The following DGKB variants were observed in gnomAD, a reference collection of about 807,000 sequenced individuals.
DGKB encodes diacylglycerol kinase beta, also known as 90 kDa diacylglycerol kinase.
In DGKB, 67 loss-of-function variants were observed where a neutral mutation model predicts 114.3. The ratio of observed to expected loss-of-function variants is 0.59; its 90% confidence interval spans 0.48 to 0.72. DGKB has a LOEUF of 0.72. Ranked by LOEUF, DGKB falls within the 30% of genes least tolerant of loss-of-function variation. The probability of loss-of-function intolerance (pLI) is 0.00; values close to 1 mark genes in which losing one functional copy is unlikely to be tolerated. For synonymous variants in DGKB, 398 were observed against 323.1 expected (o/e 1.23, Z -2.49); for missense variants, 907 against 975.2 (o/e 0.93, Z 0.93).
chr7:14,642,951 T>C (rs1812101031), intron 13 of DGKB, among the ~76,000 whole-genome samples: 1 of 152,218 alleles, frequency 6.6e-6, no homozygotes, highest in East Asian at 1.9e-4. Flanking sequence ...ATAATGCTCA[T>C]GTATGGCTAT....
At chr7:14,344,836 G>C (rs1380472883) in intron 22 of DGKB, among the ~76,000 whole-genome samples, 1 of 151,314 alleles carries the variant, frequency 6.6e-6, no homozygotes, top group Non-Finnish European at 1.5e-5. Flanking sequence ...CTTGGGAACT[G>C]AGAAAACCTA....
intron 1 of DGKB, among the ~76,000 whole-genome samples, chr7:14,957,265 T>C (rs911901047): frequency 7.9e-5 from 12 of 151,998 alleles, no homozygotes; most frequent in Admixed American, 1.3e-4. Flanking sequence ...ACATTACTTA[T>C]GGAGTTTTCT....
intron 2 of DGKB, among the ~76,000 whole-genome samples, chr7:14,759,464 T>C (rs960275553): frequency 6.6e-6 from 1 of 152,212 alleles, no homozygotes; most frequent in East Asian, 1.9e-4. Flanking sequence ...TCTGTGTCTA[T>C]GGATTTGCCT....
At chr7:14,923,756 C>T (rs962590052) in intron 1 of DGKB, among the ~76,000 whole-genome samples, 39 of 151,956 alleles carry the variant, frequency 2.6e-4, no homozygotes, top group Non-Finnish European at 4.4e-4. Flanking sequence ...GCACTTTTGG[C>T]GGCCAAGGCG....
At chr7:14,852,302 G>C (rs187901002) in intron 1 of DGKB, among the ~76,000 whole-genome samples, 2 of 151,646 alleles carry the variant, frequency 1.3e-5, no homozygotes, top group East Asian at 3.9e-4. Context: ...GTGTGTTTGT[G>C]TGTGTGTGTT....
chr7:14,670,173 T>A (rs1420056061), intron 13 of DGKB, among the ~76,000 whole-genome samples: 1 of 152,040 alleles, frequency 6.6e-6, no homozygotes, highest in African/African-American at 2.4e-5. Flanking sequence ...CAAATTAACA[T>A]AACCATCTCC....
intron 23 of DGKB, among the ~76,000 whole-genome samples, chr7:14,203,386 T>C (rs1023046281): frequency 1.3e-5 from 2 of 152,004 alleles, no homozygotes; most frequent in African/African-American, 4.8e-5. Flanking sequence ...CTTCTGATTC[T>C]TATACTCTTC....
At chr7:14,550,316 T>G (rs936302248) in intron 20 of DGKB, among the ~76,000 whole-genome samples, 20 of 152,078 alleles carry the variant, frequency 1.3e-4, no homozygotes, top group African/African-American at 4.1e-4. Context: ...AAAATGTAAT[T>G]GAAAGAAAAT....
chr7:14,615,690 A>G (rs1400873693), intron 15 of DGKB, among the ~76,000 whole-genome samples: 1 of 151,904 alleles, frequency 6.6e-6, no homozygotes, highest in Admixed American at 6.6e-5. Context: ...TCAATCAATT[A>G]GCAACCATTA....
At chr7:14,232,515 T>C (rs1198349480) in intron 23 of DGKB, among the ~76,000 whole-genome samples, 1 of 151,830 alleles carries the variant, frequency 6.6e-6, no homozygotes. Context: ...AAGAATCTCA[T>C]GGCACTATAT....
chr7:14,820,009 G>A (rs1324151537), intron 2 of DGKB, among the ~76,000 whole-genome samples: 1 of 152,012 alleles, frequency 6.6e-6, no homozygotes, highest in African/African-American at 2.4e-5. Flanking sequence ...GTTCTTTTAG[G>A]GAGAGAGATT....
At chr7:14,812,348 G>A (rs1005619653) in intron 2 of DGKB, among the ~76,000 whole-genome samples, 2 of 151,950 alleles carry the variant, frequency 1.3e-5, no homozygotes, top group African/African-American at 4.8e-5. Flanking sequence ...CATTAAAATG[G>A]TATTGAAGTT....
intron 2 of DGKB, among the ~76,000 whole-genome samples, chr7:14,790,349 T>G (rs1040774395): frequency 2.0e-5 from 3 of 152,202 alleles, no homozygotes; most frequent in Admixed American, 6.5e-5. Flanking sequence ...ATATCAAGTC[T>G]AAGAAATGTT....
intron 2 of DGKB, among the ~76,000 whole-genome samples, chr7:14,760,971 C>A (rs1396363431): frequency 6.6e-6 from 1 of 152,142 alleles, no homozygotes; most frequent in Non-Finnish European, 1.5e-5. Flanking sequence ...TATGACTGCC[C>A]TTTCCATGAA....
chr7:14,837,983 A>T (rs2128133033), intron 2 of DGKB, among the ~76,000 whole-genome samples: 1 of 152,260 alleles, frequency 6.6e-6, no homozygotes, highest in Admixed American at 6.5e-5. Context: ...TAATCTGTTA[A>T]TTTGTCTTCT....
chr7:14,672,959 TA>T lies in DGKB; in HGVS notation c.1103del (p.Leu368TyrfsTer11). ...CDCGPLKDHI[L>X]PPTTICPVVL... ...CCACTGGACAGATTGTTGTGGGTGGTAAAATATGGTCCTTCAAAGGTCCACA... is the reference window on the plus strand; with the variant it reads ...CCACTGGACAGATTGTTGTGGGTGGTAAATATGGTCCTTCAAAGGTCCACA... On this transcript the variant is annotated frameshift_variant, in exon 13 of 26. Transcript: ENST00000402815. LOFTEE classifies it high-confidence loss of function. 1 of 1,575,610 alleles carries T rather than the reference TA, an allele frequency of 6.3e-7. No homozygotes were observed. The highest frequency in any genetic ancestry group is 8.6e-7 in the Non-Finnish European group (1 of 1,158,842).
At chr7:14,284,072 C>T (rs1303500470) in intron 23 of DGKB, among the ~76,000 whole-genome samples, 2 of 152,082 alleles carry the variant, frequency 1.3e-5, no homozygotes, top group Admixed American at 6.6e-5. Context: ...TCAGAGTGAA[C>T]AGGCAACCTA....
At chr7:14,859,642 T>C (rs17310345) in intron 1 of DGKB, among the ~76,000 whole-genome samples, 28,404 of 152,086 alleles carry the variant, frequency 0.19, 2,733 homozygotes, top group South Asian at 0.29. Context: ...AATTCACAAA[T>C]TTTCTTTTCC....
At chr7:14,280,378 G>T (rs1277946156) in intron 23 of DGKB, among the ~76,000 whole-genome samples, 3 of 152,054 alleles carry the variant, frequency 2.0e-5, no homozygotes, top group Non-Finnish European at 4.4e-5. Context: ...CCAAATCTAC[G>T]TCTGATTGGT....
Sources: gnomAD v4.1 joint callset for allele counts (sites outside exome capture counted in the v4.1 genomes callset) on GRCh38, gnomAD v4.1.1 for gene constraint, MANE v1.5 for transcripts, NCBI Gene and HGNC (gene_info 2026-07-23, HGNC 2026-07-21) for gene names.